Variants in SOS2 observed in about 807,000 individuals in gnomAD.
The protein encoded by SOS2 is son of sevenless homolog 2.
A neutral mutation model predicts 148.2 loss-of-function variants in SOS2; 65 were observed. The ratio of observed to expected loss-of-function variants is 0.44; its 90% CI spans 0.36 to 0.54. SOS2 has a LOEUF of 0.54. SOS2 is among the 20% of genes least tolerant of loss of function. SOS2 has a pLI of 0.00. For synonymous variants in SOS2, 539 were observed against 537.1 expected, an observed-to-expected ratio of 1.00 and a Z score of -0.05; for missense variants, 1,341 against 1,590.2, an observed-to-expected ratio of 0.84 and a Z score of 2.67.
At position 50,130,543 on chromosome 14, in the gene SOS2, C is replaced by G. The variant is rs373071240; in HGVS notation, c.3295G>C (p.Asp1099His). 6 of 1,613,872 alleles carry G rather than the reference C, an allele frequency of 3.7e-6. No individual in the cohort carries two copies. The highest frequency in any genetic ancestry group is 5.1e-6 in the Non-Finnish European group (6 of 1,179,918). The change falls in exon 20 of 23, where the codon GAC becomes CAC. Residue 1099 changes from aspartate to histidine, a missense_variant. This residue lies in a region of SOS2 where 354 missense variants were observed against 347.7 expected (regional missense o/e 1.02). Coordinates refer to ENST00000216373, the MANE Select transcript of SOS2 (RefSeq NM_006939.4). ...PSTPPVSASS[D>H]LSVFLDVDLN... The stretch of plus-strand genomic sequence containing the variant: ...TCCACATCTAAAAATACACTAAGGT[C>G]TGAAGAAGCAGATACTGGTGGAGTA...
At chr14:50,182,721 G>T in intron 5 of SOS2, 115 bp from the exon 6 acceptor site, 1 of 737,290 alleles carries the variant, frequency 1.4e-6, no homozygotes, top group Non-Finnish European at 2.2e-6. Flanking sequence ...GAATAGCCCT[G>T]CTCCACAAGA....
chr14:50,165,462 T>C (rs142302767), intron 8 of SOS2, among the ~76,000 whole-genome samples: 1 of 152,270 alleles, frequency 6.6e-6, no homozygotes, highest in Non-Finnish European at 1.5e-5. Flanking sequence ...AAAACCATTA[T>C]GTATTTTTTT....
At chr14:50,141,374 A>G (rs1255874248) in intron 16 of SOS2, among the ~76,000 whole-genome samples, 9 of 151,926 alleles carry the variant, frequency 5.9e-5, no homozygotes, top group African/African-American at 2.2e-4. Flanking sequence ...TTAAAAAATT[A>G]GCTGAGCAGG....
intron 21 of SOS2, among the ~76,000 whole-genome samples, chr14:50,121,347 G>C (rs1445743833): frequency 3.3e-5 from 5 of 152,162 alleles, no homozygotes; most frequent in Admixed American, 3.3e-4. Flanking sequence ...CAGCAACTAT[G>C]TCTTATTTGT....
At chr14:50,197,599 T>C (rs1886351954) in intron 4 of SOS2, among the ~76,000 whole-genome samples, 1 of 151,722 alleles carries the variant, frequency 6.6e-6, no homozygotes. Context: ...GAGTTGATTC[T>C]AACATCTCTC....
intron 18 of SOS2, 50 bp downstream of exon 18, chr14:50,138,562 G>A (rs1281084946): frequency 2.8e-6 from 2 of 716,496 alleles, no homozygotes; most frequent in Non-Finnish European, 4.2e-6. Flanking sequence ...TTTTTTTTTT[G>A]GTACCCATTA....
At chr14:50,175,646 T>C (rs949300309) in intron 7 of SOS2, among the ~76,000 whole-genome samples, 1 of 152,088 alleles carries the variant, frequency 6.6e-6, no homozygotes, top group Admixed American at 6.6e-5. Flanking sequence ...GTGTATAGCT[T>C]GGGATAGGTA....
intron 4 of SOS2, among the ~76,000 whole-genome samples, chr14:50,195,073 A>C (rs1005262606): frequency 6.6e-6 from 1 of 152,260 alleles, no homozygotes. Flanking sequence ...CTAGGGATAA[A>C]TTCACGTTCA....
At chr14:50,187,338 A>ATTG (rs1885946707) in intron 5 of SOS2, among the ~76,000 whole-genome samples, 1 of 127,728 alleles carries the variant, frequency 7.8e-6, no homozygotes, top group Admixed American at 8.4e-5. Flanking sequence ...TATTATTATT[A>ATTG]TTGTTACTTT....
chr14:50,219,217 A>G (rs1887129060), intron 1 of SOS2, among the ~76,000 whole-genome samples: 1 of 152,222 alleles, frequency 6.6e-6, no homozygotes, highest in African/African-American at 2.4e-5. Context: ...TCATACAAAG[A>G]CTTGTACACA....
intron 21 of SOS2, among the ~76,000 whole-genome samples, chr14:50,120,902 G>A (rs1260998784): frequency 6.6e-6 from 1 of 151,910 alleles, no homozygotes; most frequent in Admixed American, 6.6e-5. Context: ...ACCACCCCCA[G>A]CTAATTTTTG....
intron 4 of SOS2, among the ~76,000 whole-genome samples, chr14:50,191,526 C>T (rs1475700592): frequency 1.3e-5 from 2 of 152,098 alleles, no homozygotes; most frequent in African/African-American, 4.8e-5. Flanking sequence ...CTCTTCTTGG[C>T]TTCTGATACA....
At position 50,159,861 on chromosome 14, in the gene SOS2, G is replaced by A. The variant is rs930379934; in HGVS notation, c.1422C>T (p.Gly474=). 2 of 1,613,854 alleles carry A rather than the reference G, an allele frequency of 1.2e-6. No individual in the cohort carries two copies. The highest frequency in any genetic ancestry group is 2.2e-5 in the East Asian group (1 of 44,884). Residue 474 remains glycine (G), a synonymous_variant, in exon 10 of 23, where the codon GGC becomes GGT. Coordinates refer to ENST00000216373, the MANE Select transcript of SOS2 (RefSeq NM_006939.4). Reference sequence around the variant, plus strand: ...TACTGTAACCTGGAAGCCGAGTCTGGCCATGATTAGGTTTACAACTGATCA... The same window carrying A: ...TACTGTAACCTGGAAGCCGAGTCTGACCATGATTAGGTTTACAACTGATCA... ...GLMISCKPNH[G]QTRLPGYSSA...
chr14:50,221,960 G>T (rs1408299419), intron 1 of SOS2, among the ~76,000 whole-genome samples: 2 of 152,048 alleles, frequency 1.3e-5, no homozygotes, highest in African/African-American at 2.4e-5. Flanking sequence ...AAAAAAGTGC[G>T]ATTAAAGACT....
chr14:50,230,759 G>A (rs1595044227), intron 1 of SOS2: 1 of 208,604 alleles, frequency 4.8e-6, no homozygotes, highest in East Asian at 1.8e-4. Context: ...AAAAACCATT[G>A]CCTCATAAGT....
In SOS2 at chr14:50,150,117, T is replaced by C. The variant is rs956839910; in HGVS notation, c.2275A>G (p.Ile759Val). 19 of 1,613,372 alleles carry C rather than the reference T, an allele frequency of 1.2e-5. No individual in the cohort carries two copies. In the Admixed American group the frequency reaches 1.3e-4, roughly 11 times the overall value. ...CCTGGTTTGCTGATATGCCATTCAATTGGTGGAGGTGGACTTTCAAAGGTA... is the reference window on the plus strand; with the variant it reads ...CCTGGTTTGCTGATATGCCATTCAACTGGTGGAGGTGGACTTTCAAAGGTA... ...NITFESPPPP[I>V]EWHISKPGQF... The change falls in exon 14 of 23, where the codon ATT (isoleucine) becomes GTT (valine). Residue 759 changes from isoleucine to valine, a missense_variant. Ile to Val is a conservative substitution (Grantham distance 29). Around this residue, in one of 4 missense-constraint regions of SOS2, gnomAD observed 408 missense variants for 506.6 expected, o/e 0.81. Transcript: ENST00000216373.
At chr14:50,151,917 T>C (rs1884674514) in intron 13 of SOS2, among the ~76,000 whole-genome samples, 1 of 151,944 alleles carries the variant, frequency 6.6e-6, no homozygotes. Flanking sequence ...AGAGACTGGG[T>C]TTTGCCATTT....
chr14:50,190,791 A>G (rs1365214955), intron 4 of SOS2, among the ~76,000 whole-genome samples: 2 of 152,134 alleles, frequency 1.3e-5, no homozygotes, highest in Non-Finnish European at 2.9e-5. Context: ...TGCTTACTCC[A>G]TGCAATCCAC....
intron 8 of SOS2, among the ~76,000 whole-genome samples, chr14:50,162,279 T>A (rs889577377): frequency 6.6e-6 from 1 of 152,114 alleles, no homozygotes; most frequent in African/African-American, 2.4e-5. Flanking sequence ...GGGACCACAG[T>A]TGCATGCCAC....
Sources: allele counts gnomAD v4.1 joint callset (sites outside exome capture counted in the v4.1 genomes callset), GRCh38; gene constraint gnomAD v4.1.1; regional missense constraint gnomAD v4.1.1; transcripts MANE v1.5; gene names NCBI Gene and HGNC (gene_info 2026-07-23, HGNC 2026-07-21).